RUBCN: variants seen among roughly 807,000 people sequenced by gnomAD.
The protein encoded by RUBCN is rubicon autophagy regulator.
Under a neutral mutation model 113.2 loss-of-function variants are expected in RUBCN, and 74 were observed. The observed-to-expected ratio is 0.65, with a 90% CI of 0.54 to 0.79. The LOEUF is 0.79. RUBCN is among the 30% of genes least tolerant of loss of function. The pLI, the probability that RUBCN is intolerant of heterozygous loss-of-function variation, is 0.00. For missense variants in RUBCN, 1,109 were observed against 1,251.7 expected (o/e 0.89, Z 1.72); for synonymous variants, 480 against 490.0 (o/e 0.98, Z 0.27).
chr3:197,678,087 TCTGA>T (rs1280069880), intron 16 of RUBCN, among the ~76,000 whole-genome samples: 4 of 138,220 alleles, frequency 2.9e-5, no homozygotes, highest in South Asian at 2.3e-4. Context: ...TGTCCCACAC[TCTGA>T]CTGACAACTG....
Position 197,693,670 on chromosome 3 carries a change from A to T in RUBCN, c.1786+45T>A, listed in dbSNP as rs369446066. Reference sequence around the variant, plus strand: ...TCGCAGCTTATCATTCTAAATGGAAAGAAACAGAATAAAAGTTCCCTTGTA... The same window carrying T: ...TCGCAGCTTATCATTCTAAATGGAATGAAACAGAATAAAAGTTCCCTTGTA... On this transcript the variant is annotated intron_variant, in intron 11 of 19. Coordinates refer to ENST00000296343, the MANE Select transcript of RUBCN (RefSeq NM_014687.4). 1.8e-3 allele frequency: 2,308 copies of T among 1,259,286 alleles called. 3 individuals carry two copies. Among genetic ancestry groups the T allele is most frequent in the Non-Finnish European group, 2.4e-3 (2,034 of 856,882 alleles). The allele number at this position is 1,259,286 out of a possible 1,614,324, so 78.0% of individuals were successfully genotyped here. A position where few individuals can be genotyped will look rare whatever the true frequency, so the allele number is the denominator to read the frequency against.
chr3:197,696,386 C>A (rs112147983), intron 8 of RUBCN, among the ~76,000 whole-genome samples: 3,286 of 148,204 alleles, frequency 0.022, 86 homozygotes, highest in African/African-American at 0.057. Context: ...AAAAAAAAAA[C>A]AAAACAAAAA....
rs372488698 is a variant in RUBCN at position 197,675,015 on chromosome 3, T to C, written c.*3A>G. 2.6e-4 allele frequency: 418 copies of C among 1,611,458 alleles called. 1 individual carries two copies. In the African/African-American group the frequency reaches 5.0e-3, roughly 19 times the overall value. On this transcript the variant is annotated 3_prime_UTR_variant, in exon 20 of 20. Transcript: ENST00000296343. This position sits in a 1 kb window ranked among gnomAD's most constrained non-coding sequence, Gnocchi z 4.4. ...CCCGGAGGGAGGGCTGCACGTGCTT[T>C]CTTCAGGTGGCCTCCAGGACGGCGG... is the stretch of plus-strand genomic sequence containing the variant.
chr3:197,682,737 C>G, intron 13 of RUBCN, 122 bp from the exon 14 acceptor site: 2 of 1,314,526 alleles, frequency 1.5e-6, no homozygotes, highest in Non-Finnish European at 2.2e-6. Context: ...TTCACACGGA[C>G]GGGCTTGAGA....
intron 11 of RUBCN, among the ~76,000 whole-genome samples, chr3:197,688,860 C>T (rs1004082535): frequency 4.6e-5 from 7 of 152,108 alleles, no homozygotes; most frequent in Non-Finnish European, 7.3e-5. Flanking sequence ...GACAGAAAGA[C>T]GAGCAGCTGA....
At chr3:197,745,834 C>T (rs777916502) in intron 1 of RUBCN, among the ~76,000 whole-genome samples, 33 of 152,032 alleles carry the variant, frequency 2.2e-4, no homozygotes, top group Admixed American at 1.4e-3. Context: ...GTCAGGAGTT[C>T]GAGACCAGCC....
At chr3:197,678,879 AC>A (rs1476107256) in intron 16 of RUBCN, among the ~76,000 whole-genome samples, 1 of 141,726 alleles carries the variant, frequency 7.1e-6, no homozygotes, top group African/African-American at 2.7e-5. Flanking sequence ...CTAACTGACA[AC>A]TGGCTCCAGA....
At chr3:197,684,030 C>T (rs901624424) in intron 12 of RUBCN, 127 bp downstream of exon 12, 2 of 742,382 alleles carry the variant, frequency 2.7e-6, no homozygotes, top group African/African-American at 3.5e-5. Context: ...TCAGCAAGCC[C>T]CTCCCTTTAA....
At chr3:197,719,840 T>C (rs1030863118) in intron 1 of RUBCN, among the ~76,000 whole-genome samples, 1 of 152,230 alleles carries the variant, frequency 6.6e-6, no homozygotes, top group African/African-American at 2.4e-5. Flanking sequence ...ATTGTACATA[T>C]TGATAGTATA....
chr3:197,728,451 T>C (rs1262199046), intron 1 of RUBCN, among the ~76,000 whole-genome samples: 1 of 152,110 alleles, frequency 6.6e-6, no homozygotes, highest in Non-Finnish European at 1.5e-5. Flanking sequence ...ACTCCTAGAA[T>C]AATCAAACAG....
chr3:197,714,822 T>C (rs1725340304), intron 2 of RUBCN, among the ~76,000 whole-genome samples: 1 of 152,002 alleles, frequency 6.6e-6, no homozygotes, highest in African/African-American at 2.4e-5. Flanking sequence ...TTTTTTTAAA[T>C]AGGAGGATAC....
At chr3:197,676,128 TCATA>T (rs1420074461) in intron 18 of RUBCN, 1 of 908,852 alleles carries the variant, frequency 1.1e-6, no homozygotes, top group African/African-American at 1.8e-5. Flanking sequence ...CAAAACGCTG[TCATA>T]CAAATTACCC....
intron 2 of RUBCN, among the ~76,000 whole-genome samples, chr3:197,714,563 C>T (rs1560452376): frequency 6.6e-6 from 1 of 152,186 alleles, no homozygotes; most frequent in Non-Finnish European, 1.5e-5. Flanking sequence ...CCTCAAATTT[C>T]TAGTGATCTT....
chr3:197,687,940 G>GT (rs1435464080), intron 11 of RUBCN, among the ~76,000 whole-genome samples: 2 of 152,164 alleles, frequency 1.3e-5, no homozygotes, highest in African/African-American at 4.8e-5. Context: ...CCTTGGGGAT[G>GT]TATCACTCCT....
intron 18 of RUBCN, chr3:197,676,290 G>A (rs746512096): frequency 1.7e-4 from 165 of 992,018 alleles, no homozygotes; most frequent in Admixed American, 2.8e-4. Flanking sequence ...ACTCCCTCTC[G>A]ATTCCAATCC....
rs1030891536 is a variant in RUBCN at position 197,671,002 on chromosome 3, C to G, written c.*4016G>C. On this transcript the variant is annotated 3_prime_UTR_variant, in exon 20 of 20. Transcript: ENST00000296343. Reference sequence around the variant, plus strand: ...ATCCCGCCCCTCATGCCACAGTGTGCTGGTGCTTTTTTTGTTTTGTTTTGT... The same window carrying G: ...ATCCCGCCCCTCATGCCACAGTGTGGTGGTGCTTTTTTTGTTTTGTTTTGT... 1.3e-5 allele frequency among the ~76,000 whole-genome samples: 2 copies of G among 152,096 alleles called. No individual in the cohort carries two copies. The highest frequency in any genetic ancestry group is 4.8e-5 in the African/African-American group (2 of 41,422).
chr3:197,736,934 C>T, upstream of RUBCN: 2 of 1,343,162 alleles, frequency 1.5e-6, no homozygotes, highest in Non-Finnish European at 1.9e-6. Context: ...GACTACAGCC[C>T]CCGGCGAGCA....
Position 197,670,851 on chromosome 3 carries a change from A to G in RUBCN, c.*4167T>C, listed in dbSNP as rs1719719876. 6.6e-6 allele frequency among the ~76,000 whole-genome samples: 1 copy of G among 152,180 alleles called. No homozygotes were observed. The highest frequency in any genetic ancestry group is 1.5e-5 in the Non-Finnish European group (1 of 68,024). On this transcript the variant is annotated 3_prime_UTR_variant, in exon 20 of 20. Coordinates refer to ENST00000296343, the MANE Select transcript of RUBCN (RefSeq NM_014687.4). ...TTGGGATGTGTGTCCTCTGATGATGACTGCTGGACAAACACAACAGGAGCA... is the reference window on the plus strand; with the variant it reads ...TTGGGATGTGTGTCCTCTGATGATGGCTGCTGGACAAACACAACAGGAGCA...
intron 1 of RUBCN, among the ~76,000 whole-genome samples, chr3:197,743,212 C>G (rs930600064): frequency 6.6e-6 from 1 of 152,226 alleles, no homozygotes; most frequent in African/African-American, 2.4e-5. Context: ...GTCATGTTCT[C>G]TGCAGTATCC....
Sources: gnomAD v4.1 joint callset for allele counts (sites outside exome capture counted in the v4.1 genomes callset) on GRCh38, gnomAD v4.1.1 for gene constraint, Gnocchi (gnomAD v3.1) non-coding constraint, MANE v1.5 for transcripts, NCBI Gene and HGNC (gene_info 2026-07-23, HGNC 2026-07-21) for gene names.